The following ZNF438 variants were observed in gnomAD, a reference collection of about 807,000 sequenced individuals.
ZNF438 encodes zinc finger protein 438.
In ZNF438, 25 loss-of-function variants were observed where a neutral mutation model predicts 38.0. The observed-to-expected ratio is 0.66, with a 90% CI of 0.48 to 0.92. ZNF438 has a LOEUF of 0.92. ZNF438 is among the 40% of genes least tolerant of loss of function. ZNF438 has a pLI of 0.00. For missense variants in ZNF438, 1,007 were observed against 999.6 expected (o/e 1.01, Z -0.10); for synonymous variants, 372 against 364.1 (o/e 1.02, Z -0.25).
At chr10:30,931,597 C>G (rs939674701) in intron 2 of ZNF438, among the ~76,000 whole-genome samples, 1 of 152,100 alleles carries the variant, frequency 6.6e-6, no homozygotes, top group Non-Finnish European at 1.5e-5. Context: ...AGGTCAAATC[C>G]TTTGACTTTA....
chr10:30,856,216 T>C (rs997433382), intron 4 of ZNF438, among the ~76,000 whole-genome samples: 7 of 152,192 alleles, frequency 4.6e-5, no homozygotes, highest in Admixed American at 3.3e-4. Context: ...AGGCAGTGCA[T>C]AACTATCCAC....
intron 1 of ZNF438, among the ~76,000 whole-genome samples, chr10:31,016,396 C>G (rs1215911334): frequency 6.6e-6 from 1 of 152,188 alleles, no homozygotes; most frequent in African/African-American, 2.4e-5. Context: ...ATATTTGATT[C>G]CTGCTTATAT....
At chr10:30,867,101 A>G (rs2036573158) in intron 4 of ZNF438, among the ~76,000 whole-genome samples, 1 of 152,208 alleles carries the variant, frequency 6.6e-6, no homozygotes, top group South Asian at 2.1e-4. Flanking sequence ...AAACTTTGGC[A>G]TAGTATCAAA....
chr10:30,868,545 A>G (rs1564526512), intron 4 of ZNF438, among the ~76,000 whole-genome samples: 1 of 97,440 alleles, frequency 1.0e-5, no homozygotes, highest in African/African-American at 4.1e-5. Flanking sequence ...TGTTTACTCT[A>G]TTAAAAAGCA....
At chr10:30,855,750 CT>C (rs1387347564) in intron 4 of ZNF438, among the ~76,000 whole-genome samples, 1 of 152,196 alleles carries the variant, frequency 6.6e-6, no homozygotes, top group Non-Finnish European at 1.5e-5. Context: ...ATCTGGAATA[CT>C]CTCCAAGATG....
chr10:30,951,920 C>G (rs1347903898), intron 1 of ZNF438, among the ~76,000 whole-genome samples: 2 of 151,568 alleles, frequency 1.3e-5, no homozygotes, highest in Non-Finnish European at 1.5e-5. Context: ...CATATGGAAC[C>G]AAAAAAGAGC....
chr10:30,896,664 G>A (rs2041390178), intron 3 of ZNF438, among the ~76,000 whole-genome samples: 1 of 152,100 alleles, frequency 6.6e-6, no homozygotes, highest in South Asian at 2.1e-4. Context: ...GTGGGGAGGA[G>A]GGGAGGCCGG....
chr10:30,997,639 A>G (rs1159201487), intron 1 of ZNF438, among the ~76,000 whole-genome samples: 2 of 151,890 alleles, frequency 1.3e-5, no homozygotes, highest in African/African-American at 2.4e-5. Flanking sequence ...TCTAAGCCAA[A>G]CACAGGACTT....
intron 2 of ZNF438, among the ~76,000 whole-genome samples, chr10:30,917,996 T>C (rs964040539): frequency 6.6e-6 from 1 of 152,128 alleles, no homozygotes; most frequent in African/African-American, 2.4e-5. Context: ...AAGACAGAAA[T>C]TGAGATTTAT....
intron 1 of ZNF438, among the ~76,000 whole-genome samples, chr10:31,028,789 GGC>G (rs2057100023): frequency 2.0e-5 from 3 of 152,236 alleles, no homozygotes; most frequent in African/African-American, 7.2e-5. Context: ...CTACACAGCA[GGC>G]ACTGGATTAG....
At chr10:30,874,110 G>GTATATA (rs1483981955) in intron 4 of ZNF438, among the ~76,000 whole-genome samples, 4 of 31,642 alleles carry the variant, frequency 1.3e-4, no homozygotes, top group African/African-American at 7.0e-4. Flanking sequence ...GGGGGTGTGT[G>GTATATA]TGTGTATATA....
At chr10:30,853,245 G>C (rs1303267726) in intron 4 of ZNF438, among the ~76,000 whole-genome samples, 1 of 152,154 alleles carries the variant, frequency 6.6e-6, no homozygotes, top group Non-Finnish European at 1.5e-5. Flanking sequence ...TAGAACAAAG[G>C]CTTAGTAATT....
At chr10:30,931,473 C>T (rs2045690094) in intron 2 of ZNF438, among the ~76,000 whole-genome samples, 1 of 152,216 alleles carries the variant, frequency 6.6e-6, no homozygotes, top group South Asian at 2.1e-4. Flanking sequence ...ATTACTAATA[C>T]TTGAACAACA....
intron 3 of ZNF438, among the ~76,000 whole-genome samples, chr10:30,902,387 G>A (rs1250107351): frequency 1.3e-5 from 2 of 152,184 alleles, no homozygotes; most frequent in African/African-American, 4.8e-5. Flanking sequence ...TAGACAGAGT[G>A]CTGATTCATG....
chr10:30,867,024 A>G (rs948683708), intron 4 of ZNF438, among the ~76,000 whole-genome samples: 3 of 152,236 alleles, frequency 2.0e-5, no homozygotes, highest in African/African-American at 7.2e-5. Context: ...CTAATAGAAT[A>G]CAAAAGTACA....
intron 2 of ZNF438, among the ~76,000 whole-genome samples, chr10:30,936,134 T>C (rs773002354): frequency 4.6e-5 from 7 of 152,194 alleles, no homozygotes; most frequent in Non-Finnish European, 4.4e-5. Flanking sequence ...TGTAATCAAA[T>C]CCAGTTTCTA....
At chr10:30,882,926 A>C (rs2039460357) in intron 3 of ZNF438, among the ~76,000 whole-genome samples, 1 of 152,252 alleles carries the variant, frequency 6.6e-6, no homozygotes, top group Non-Finnish European at 1.5e-5. Context: ...AAATTCTAAT[A>C]GACATACAGA....
intron 1 of ZNF438, among the ~76,000 whole-genome samples, chr10:30,959,504 C>G (rs144428684): frequency 1.4e-5 from 2 of 142,842 alleles, no homozygotes; most frequent in East Asian, 1.9e-4. Context: ...TTTGGAAGGC[C>G]GAGGTGGGCG....
chr10:30,859,983 C>T (rs2035307790), intron 4 of ZNF438, among the ~76,000 whole-genome samples: 2 of 152,096 alleles, frequency 1.3e-5, no homozygotes, highest in Non-Finnish European at 2.9e-5. Flanking sequence ...TCTCTCTGCC[C>T]TTCTGTCCCT....
Sources: gnomAD v4.1 joint callset for allele counts (sites outside exome capture counted in the v4.1 genomes callset) on GRCh38, gnomAD v4.1.1 for gene constraint, MANE v1.5 for transcripts, NCBI Gene and HGNC (gene_info 2026-07-23, HGNC 2026-07-21) for gene names.